PABPC1: variants seen among roughly 807,000 people sequenced by gnomAD.
PABPC1 encodes polyadenylate-binding protein 1.
In PABPC1, 4 loss-of-function variants were observed where a neutral mutation model predicts 74.0. The ratio of observed to expected loss-of-function variants is 0.05; its 90% CI spans 0.03 to 0.12. The LOEUF (loss-of-function observed/expected upper bound fraction) is 0.12, where lower values mean the gene tolerates loss of function less well. Among genes scored for constraint, PABPC1 ranks in the 10% least tolerant of loss-of-function variants. The pLI is 1.00. For synonymous variants in PABPC1, 227 were observed against 264.1 expected, an observed-to-expected ratio of 0.86 and a Z score of 1.36; for missense variants, 271 against 821.1, an observed-to-expected ratio of 0.33 and a Z score of 8.19.
intron 6 of PABPC1, 21 bp from the exon 7 acceptor site, chr8:100,712,478 C>G: frequency 6.5e-7 from 1 of 1,541,390 alleles, no homozygotes; most frequent in Non-Finnish European, 8.8e-7. Context: ...GAAAAGAAAA[C>G]TATAGAAAAA....
At chr8:100,707,860 G>C (rs1390437180) in intron 9 of PABPC1, among the ~76,000 whole-genome samples, 1 of 152,234 alleles carries the variant, frequency 6.6e-6, no homozygotes, top group Non-Finnish European at 1.5e-5. Context: ...GCCTGGCAAC[G>C]GGCGTCTTCC....
intron 1 of PABPC1, among the ~76,000 whole-genome samples, chr8:100,719,654 CTG>C (rs925005874): frequency 6.6e-6 from 1 of 152,158 alleles, no homozygotes; most frequent in African/African-American, 2.4e-5. Context: ...ATACTGTACA[CTG>C]TAACCACGGC....
chr8:100,716,031 C>G (rs1810660114), intron 3 of PABPC1, among the ~76,000 whole-genome samples: 1 of 152,250 alleles, frequency 6.6e-6, no homozygotes, highest in African/African-American at 2.4e-5. Flanking sequence ...TAACACACAA[C>G]AGCCTGACAT....
Position 100,704,934 on chromosome 8 carries a change from G to T in PABPC1, c.1810C>A (p.Arg604Ser). ...LHMLESPESL[R>S]SKVDEAVAVL... is the part of the protein sequence containing the mutation. ...AAATAAATTTAAATCACCTTAGAAC[G>T]GAGTGACTCTGGAGACTCGAGCATA... Residue 604 changes from arginine (R) to serine (S), a missense_variant, in exon 13 of 15, where the codon CGT becomes AGT. Arg to Ser is a moderately radical substitution (Grantham distance 110, BLOSUM62 -1). Around this residue, in one of 7 missense-constraint regions of PABPC1, gnomAD observed 23 missense variants for 48.1 expected, o/e 0.48. Coordinates refer to ENST00000318607, the MANE Select transcript of PABPC1 (RefSeq NM_002568.4). The T allele has an allele frequency of 1.9e-6, 3 of 1,612,078 alleles. No homozygotes were observed. The highest frequency in any genetic ancestry group is 2.5e-6 in the Non-Finnish European group (3 of 1,179,788).
Position 100,718,245 on chromosome 8 carries a change from T to C in PABPC1, c.229A>G (p.Ile77Val), listed in dbSNP as rs765242002. ...ATGATGCGTACTGGCTTGCCCTTTA[T>C]AACATCAAAATTCATGGTGTCCAAA... ...RALDTMNFDV[I>V]KGKPVRIMWS... is the part of the protein sequence containing the mutation. The change falls in exon 2 of 15, where the codon ATA becomes GTA. Residue 77 changes from isoleucine (I) to valine (V), a missense_variant. Ile to Val is a conservative substitution (Grantham distance 29). Coordinates refer to ENST00000318607, the MANE Select transcript of PABPC1 (RefSeq NM_002568.4). The C allele has an allele frequency of 6.2e-6, 10 of 1,613,842 alleles. No individual in the cohort carries two copies. Among genetic ancestry groups the C allele is most frequent in the Non-Finnish European group, 7.6e-6 (9 of 1,179,866 alleles).
chr8:100,704,842 G>C (rs1439191080), intron 13 of PABPC1, 84 bp downstream of exon 13: 3 of 1,336,830 alleles, frequency 2.2e-6, no homozygotes, highest in Non-Finnish European at 3.2e-6. Context: ...ATAACACGAT[G>C]TAAGTGTTCT....
chr8:100,713,019 CAT>C, intron 5 of PABPC1, 66 bp downstream of exon 5: 3 of 1,149,858 alleles, frequency 2.6e-6, no homozygotes, highest in Non-Finnish European at 3.8e-6. Context: ...TTAGTATGCA[CAT>C]AGACTTCAAC....
intron 4 of PABPC1, among the ~76,000 whole-genome samples, chr8:100,714,468 C>T (rs571795965): frequency 7.2e-5 from 11 of 152,190 alleles, no homozygotes; most frequent in Non-Finnish European, 1.5e-4. Context: ...CAGTGGCTCA[C>T]ACCTGTAATC....
chr8:100,711,921 T>C (rs941526467), intron 7 of PABPC1, among the ~76,000 whole-genome samples: 1 of 152,244 alleles, frequency 6.6e-6, no homozygotes, highest in Non-Finnish European at 1.5e-5. Context: ...ATTTCAGAAT[T>C]TGTACTAGAA....
Position 100,718,161 on chromosome 8 carries a change from T to C in PABPC1, c.313A>G (p.Asn105Asp). The C allele has an allele frequency of 6.2e-7, 1 of 1,614,204 alleles. No homozygotes were observed. ...TTATTATCAATGGATTTGTCCAGAT[T>C]TTTAATGAATATGTTGCCTACTCCA... Reference protein sequence around the residue: ...KSGVGNIFIKNLDKSIDNKAL... With the variant: ...KSGVGNIFIKDLDKSIDNKAL... The change falls in exon 2 of 15, where the codon AAT (asparagine) becomes GAT (aspartate). Residue 105 changes from asparagine (N) to aspartate (D), a missense_variant. This residue lies in a region of PABPC1 where 47 missense variants were observed against 214.1 expected (regional missense o/e 0.22). Transcript: ENST00000318607.
At position 100,713,080 on chromosome 8, in the gene PABPC1, C is replaced by T. The variant is rs764981209; in HGVS notation, c.738+7G>A. ...CCCCTTCTTCCTGCTGAATACAGACCACTTACTTTCTGTGCATCTTCATGC... is the reference window on the plus strand; with the variant it reads ...CCCCTTCTTCCTGCTGAATACAGACTACTTACTTTCTGTGCATCTTCATGC... On this transcript the variant is annotated splice_region_variant and intron_variant, in intron 5 of 14. Coordinates refer to ENST00000318607, the MANE Select transcript of PABPC1 (RefSeq NM_002568.4). 26 of 1,591,232 alleles carry T rather than the reference C, an allele frequency of 1.6e-5. No homozygotes were observed. Among genetic ancestry groups the T allele is most frequent in the Non-Finnish European group, 2.2e-5 (26 of 1,166,224 alleles).
intron 7 of PABPC1, 30 bp from the exon 8 acceptor site, chr8:100,709,761 G>A (rs772599945): frequency 9.0e-6 from 14 of 1,563,892 alleles, no homozygotes; most frequent in South Asian, 4.7e-5. Context: ...AAAAGTTAAC[G>A]TAATGGTAGA....
Position 100,712,695 on chromosome 8 carries a change from C to A in PABPC1, c.833G>T (p.Arg278Leu). 1 of 1,569,612 alleles carries A rather than the reference C, an allele frequency of 6.4e-7. No homozygotes were observed. The highest frequency in any genetic ancestry group is 8.6e-7 in the Non-Finnish European group (1 of 1,163,624). ...ATCTTGTTTCATCTGTTCAAATTTG[C>A]GCTTAAGTTCCGTCTGCCGTTCCAC... is the stretch of plus-strand genomic sequence containing the variant. The part of the protein sequence containing the change: ...KKVERQTELK[R>L]KFEQMKQDRI... Residue 278 changes from arginine to leucine, a missense_variant, in exon 6 of 15, where the codon CGC becomes CTC. By Grantham distance (102) the Arg-to-Leu change is moderately radical. Coordinates refer to ENST00000318607, the MANE Select transcript of PABPC1 (RefSeq NM_002568.4).
At chr8:100,709,247 GT>G in intron 8 of PABPC1, 24 bp from the exon 9 acceptor site, 1 of 1,596,708 alleles carries the variant, frequency 6.3e-7, no homozygotes, top group Non-Finnish European at 8.6e-7. Flanking sequence ...AAGCACATGA[GT>G]TTATCAGTTG....
intron 5 of PABPC1, 143 bp downstream of exon 5, chr8:100,712,944 T>C (rs1810568465): frequency 1.9e-6 from 2 of 1,074,408 alleles, no homozygotes; most frequent in East Asian, 5.2e-5. Context: ...GTTACCAATT[T>C]ATACTCTCAA....
At position 100,715,357 on chromosome 8, in the gene PABPC1, G is replaced by T. The variant is rs1810642017; in HGVS notation, c.643+105C>A. ...AACCACAAATATTTTAAAGTACCAT[G>T]TAAGTCTAATTTTATTGACTTTTTT... On this transcript the variant is annotated intron_variant, in intron 4 of 14. Transcript: ENST00000318607. 3 of 985,652 alleles carry T rather than the reference G, an allele frequency of 3.0e-6. No individual in the cohort carries two copies. The South Asian group carries it at 5.6e-5, about 18-fold the overall frequency. 61.1% of individuals were successfully genotyped at this position (985,652 alleles called of 1,614,324 possible). A position where few individuals can be genotyped will look rare whatever the true frequency, so the allele number is the denominator to read the frequency against.
chr8:100,707,440 T>C (rs934830321), intron 9 of PABPC1, among the ~76,000 whole-genome samples: 2 of 152,002 alleles, frequency 1.3e-5, no homozygotes, highest in African/African-American at 2.4e-5. Flanking sequence ...CAATGATAGG[T>C]AAGGTCACGT....
intron 5 of PABPC1, 92 bp downstream of exon 5, chr8:100,712,995 A>G (rs989045290): frequency 4.1e-5 from 43 of 1,051,166 alleles, no homozygotes; most frequent in Non-Finnish European, 6.0e-5. Context: ...ATATAAGAAC[A>G]TGTCAAATAG....
At chr8:100,708,861 A>G (rs186008912) in intron 9 of PABPC1, among the ~76,000 whole-genome samples, 111 of 145,720 alleles carry the variant, frequency 7.6e-4, no homozygotes, top group African/African-American at 3.0e-3. Context: ...CTGGGGCAAC[A>G]GAGCGAGACT....
Sources: allele counts gnomAD v4.1 joint callset (sites outside exome capture counted in the v4.1 genomes callset), GRCh38; gene constraint gnomAD v4.1.1; regional missense constraint gnomAD v4.1.1; transcripts MANE v1.5; gene names NCBI Gene and HGNC (gene_info 2026-07-23, HGNC 2026-07-21).